INTS13: variants seen among roughly 807,000 people sequenced by gnomAD.
INTS13 encodes asunder, spermatogenesis regulator homolog (Drosphila).
INTS13 carries 35 observed loss-of-function variants against 90.2 expected under a neutral mutation model. The ratio of observed to expected loss-of-function variants is 0.39; its 90% CI spans 0.30 to 0.51. The LOEUF is 0.51. INTS13 is among the 20% of genes least tolerant of loss of function. INTS13 has a pLI of 0.80. For synonymous variants in INTS13, 309 were observed against 277.1 expected, an observed-to-expected ratio of 1.11 and a Z score of -1.14; for missense variants, 601 against 851.2, an observed-to-expected ratio of 0.71 and a Z score of 3.66.
Position 26,914,110 on chromosome 12 carries a change from C to T in INTS13, c.1438G>A (p.Val480Ile). The T allele has an allele frequency of 6.3e-7, 1 of 1,598,506 alleles. No homozygotes were observed. Among genetic ancestry groups the T allele is most frequent in the Non-Finnish European group, 8.5e-7 (1 of 1,176,048 alleles). ...TCTGTCAGAGATTCTTTCACAATAA[C>T]ACTGGCTAATGGAACTACCTGTTAG... The part of the protein sequence containing the change: ...NMQAVVPLAS[V>I]IVKESLTEED... Residue 480 changes from valine to isoleucine, a missense_variant, in exon 13 of 17, where the codon GTT becomes ATT. Val to Ile is a conservative substitution (Grantham distance 29, BLOSUM62 3). Transcript: ENST00000261191.
chr12:26,917,124 G>A (rs1951960100), intron 10 of INTS13, among the ~76,000 whole-genome samples: 1 of 151,986 alleles, frequency 6.6e-6, no homozygotes, highest in African/African-American at 2.4e-5. Context: ...TAGCCTGAAA[G>A]CCAAACCTAA....
At chr12:26,914,638 C>T (rs1447271833) in intron 11 of INTS13, 60 bp from the exon 12 acceptor site, 1 of 1,360,452 alleles carries the variant, frequency 7.4e-7, no homozygotes, top group Non-Finnish European at 1.0e-6. Context: ...GTATGGATTA[C>T]ATGTACTAGT....
intron 3 of INTS13, 135 bp from the exon 4 acceptor site, chr12:26,929,040 C>G: frequency 1.4e-6 from 1 of 729,430 alleles, no homozygotes; most frequent in Non-Finnish European, 2.2e-6. Context: ...AGTAGCAAAC[C>G]AAATCCAGTA....
chr12:26,913,905 A>C, intron 13 of INTS13, 69 bp downstream of exon 13: 1 of 1,405,512 alleles, frequency 7.1e-7, no homozygotes, highest in Non-Finnish European at 9.7e-7. Flanking sequence ...ATATGGAATA[A>C]GTTATCTTGA....
chr12:26,913,558 T>C lies in INTS13; in HGVS notation c.1704A>G (p.Glu568=), dbSNP rs200004956. 6.2e-7 allele frequency: 1 copy of C among 1,614,170 alleles called. No homozygotes were observed. The highest frequency in any genetic ancestry group is 8.5e-7 in the Non-Finnish European group (1 of 1,180,026). ...TCTTTCTTCCTCGTTTCTTTCGTTC[T>C]TCCTCTTCTGGGGGTTTGCTCCTGC... ...MACRSKPPEE[E]ERKKRGRKRE... The change falls in exon 14 of 17, where the codon GAA becomes GAG. Residue 568 remains glutamate (E), a synonymous_variant. Transcript: ENST00000261191.
At chr12:26,906,471 AG>A in intron 15 of INTS13, 34 bp from the exon 16 acceptor site, 1 of 1,574,450 alleles carries the variant, frequency 6.4e-7, no homozygotes, top group Non-Finnish European at 8.6e-7. Context: ...GAGAAAAAAA[AG>A]ATAGAATAAT....
chr12:26,910,488 G>C (rs1353157290), intron 15 of INTS13, among the ~76,000 whole-genome samples: 1 of 152,102 alleles, frequency 6.6e-6, no homozygotes, highest in Non-Finnish European at 1.5e-5. Flanking sequence ...TCGTGATAGT[G>C]AGTGAGTTCT....
At chr12:26,937,304 G>T (rs1287575625) in intron 1 of INTS13, among the ~76,000 whole-genome samples, 1 of 152,108 alleles carries the variant, frequency 6.6e-6, no homozygotes, top group Non-Finnish European at 1.5e-5. Flanking sequence ...AAAGAGGAGT[G>T]ACAGCAAAAG....
rs1271744562 is a variant in INTS13, at chr12:26,905,429, A to C, written c.*68T>G. On this transcript the variant is annotated 3_prime_UTR_variant, in exon 17 of 17. Coordinates refer to ENST00000261191, the MANE Select transcript of INTS13 (RefSeq NM_018164.3). The stretch of plus-strand genomic sequence containing the variant: ...CATAACTATACCATCTTGCTGTAAA[A>C]GTACTTATATCGAATTCCGCACAAA... 6 of 1,432,184 alleles carry C rather than the reference A, an allele frequency of 4.2e-6. No homozygotes were observed. The African/African-American group carries it at 4.3e-5, about 10-fold the overall frequency. The allele number at this position is 1,432,184 out of a possible 1,614,324, so 88.7% of individuals were successfully genotyped here.
intron 15 of INTS13, among the ~76,000 whole-genome samples, chr12:26,910,198 A>G (rs1287334846): frequency 1.3e-5 from 2 of 152,238 alleles, no homozygotes; most frequent in Admixed American, 1.3e-4. Context: ...AATGAGTGAT[A>G]TTACATATTT....
At chr12:26,920,403 CTTT>C (rs35574943) in intron 8 of INTS13, among the ~76,000 whole-genome samples, 3 of 142,654 alleles carry the variant, frequency 2.1e-5, no homozygotes, top group Non-Finnish European at 1.5e-5. Flanking sequence ...ATTTTTGACA[CTTT>C]TTTTTTTTTT....
chr12:26,921,432 C>T (rs1952116227), intron 8 of INTS13, among the ~76,000 whole-genome samples: 1 of 152,178 alleles, frequency 6.6e-6, no homozygotes. Context: ...CCATGGCTAT[C>T]TTTCTCAGTA....
chr12:26,936,550 T>A, intron 2 of INTS13, 29 bp downstream of exon 2: 1 of 1,510,090 alleles, frequency 6.6e-7, no homozygotes, highest in Non-Finnish European at 9.2e-7. Context: ...ATCCCCAAAA[T>A]CATGATTTTG....
intron 7 of INTS13, among the ~76,000 whole-genome samples, chr12:26,923,794 C>T (rs1937715156): frequency 6.6e-6 from 1 of 152,226 alleles, no homozygotes; most frequent in Non-Finnish European, 1.5e-5. Flanking sequence ...GCTATAAACA[C>T]CTTTATACTG....
chr12:26,914,797 G>GCATT (rs1951882692), intron 11 of INTS13, among the ~76,000 whole-genome samples: 5 of 152,112 alleles, frequency 3.3e-5, no homozygotes, highest in Admixed American at 3.3e-4. Context: ...AAACATAAAT[G>GCATT]CATTCATGGT....
Position 26,913,983 on chromosome 12 carries a change from C to G in INTS13, c.1565G>C (p.Gly522Ala). ...AGAAAAAAAAATGTACCTTTTAGGG[C>G]CCTTTCCTCTTGTACCAACTGTGGA... ...PISTVGTRGK[G>A]PKRDEQYRIM... is the part of the protein sequence containing the mutation. The change falls in exon 13 of 17, where the codon GGC becomes GCC. Residue 522 changes from glycine to alanine, a missense_variant. By Grantham distance (60) the Gly-to-Ala change is moderately conservative. Coordinates refer to ENST00000261191, the MANE Select transcript of INTS13 (RefSeq NM_018164.3). 6.2e-7 allele frequency: 1 copy of G among 1,604,970 alleles called. No individual in the cohort carries two copies. Among genetic ancestry groups the G allele is most frequent in the Non-Finnish European group, 8.5e-7 (1 of 1,177,862 alleles).
In INTS13 at chr12:26,913,757, C is replaced by T. The variant is rs895832037; in HGVS notation, c.1575-70G>A. The stretch of plus-strand genomic sequence containing the variant: ...TCACTTTCTAGTGGTAAAGTAAAAA[C>T]AAATAATGAAATGTGGACTTCCTTC... On this transcript the variant is annotated intron_variant, in intron 13 of 16. Coordinates refer to ENST00000261191, the MANE Select transcript of INTS13 (RefSeq NM_018164.3). 9.5e-6 allele frequency: 13 copies of T among 1,363,518 alleles called. 1 individual carries two copies. In the South Asian group the frequency reaches 1.7e-4, roughly 18 times the overall value. The allele number at this position is 1,363,518 out of a possible 1,614,324, so 84.5% of individuals were successfully genotyped here. A position where few individuals can be genotyped will look rare whatever the true frequency, so the allele number is the denominator to read the frequency against.
At chr12:26,934,675 C>T (rs1284672336) in intron 2 of INTS13, 45 bp from the exon 3 acceptor site, 1 of 1,309,448 alleles carries the variant, frequency 7.6e-7, no homozygotes, top group African/African-American at 1.5e-5. Context: ...TCTAATTTCA[C>T]TCAATCACCA....
Position 26,914,398 on chromosome 12 carries a change from T to C in INTS13, c.1419+10A>G. ...ATCTATAAGAAAAGTTGAAGCTACTTAACACTTACCGCTTGCATGTTAAAA... is the reference window on the plus strand; with the variant it reads ...ATCTATAAGAAAAGTTGAAGCTACTCAACACTTACCGCTTGCATGTTAAAA... On this transcript the variant is annotated intron_variant, in intron 12 of 16. Coordinates refer to ENST00000261191, the MANE Select transcript of INTS13 (RefSeq NM_018164.3). The C allele has an allele frequency of 6.2e-7, 1 of 1,608,314 alleles. No individual in the cohort carries two copies. Among genetic ancestry groups the C allele is most frequent in the South Asian group, 1.1e-5 (1 of 89,310 alleles).
Sources: allele counts gnomAD v4.1 joint callset (sites outside exome capture counted in the v4.1 genomes callset), GRCh38; gene constraint gnomAD v4.1.1; transcripts MANE v1.5; gene names NCBI Gene and HGNC (gene_info 2026-07-23, HGNC 2026-07-21).